CEP83: variants seen among roughly 807,000 people sequenced by gnomAD.
CEP83 encodes the protein centrosomal protein 83.
A neutral mutation model predicts 101.9 loss-of-function variants in CEP83; 70 were observed. That is an observed-to-expected ratio of 0.69 (90% CI 0.57 to 0.84). The LOEUF is 0.84. CEP83 is among the 40% of genes least tolerant of loss of function. The pLI is 0.00. For missense variants in CEP83, 715 were observed against 787.2 expected, an observed-to-expected ratio of 0.91 and a Z score of 1.10; for synonymous variants, 264 against 267.9, an observed-to-expected ratio of 0.99 and a Z score of 0.14.
chr12:94,300,138 C>T, the CEP83 span, among the ~76,000 whole-genome samples: 1 of 152,184 alleles, frequency 6.6e-6, no homozygotes, highest in Non-Finnish European at 1.5e-5. Flanking sequence ...AGTAACAAAA[C>T]AGATGAAAGT....
chr12:94,331,608 G>C, intron 14 of CEP83, 92 bp downstream of exon 14: 10 of 1,068,642 alleles, frequency 9.4e-6, no homozygotes, highest in East Asian at 2.5e-5. Flanking sequence ...TCCTGACCTC[G>C]TGATCCACCT....
chr12:94,278,724 A>C, the CEP83 span, among the ~76,000 whole-genome samples: 1 of 152,158 alleles, frequency 6.6e-6, no homozygotes, highest in East Asian at 1.9e-4. Context: ...TGGGCCGGGC[A>C]CAGTGGCTCA....
At chr12:94,350,623 A>G (rs566565897) in intron 11 of CEP83, among the ~76,000 whole-genome samples, 28 of 152,184 alleles carry the variant, frequency 1.8e-4, no homozygotes, top group Non-Finnish European at 4.0e-4. Context: ...AACAACAAAA[A>G]AAAACAGACA....
In CEP83 at chr12:94,307,711, A is replaced by ATAGTT. The variant is rs1969216455; in HGVS notation, c.*1097_*1101dup. 6.6e-6 allele frequency: 1 copy of ATAGTT among 151,492 alleles called. No homozygotes were observed. Among genetic ancestry groups the ATAGTT allele is most frequent in the Admixed American group, 6.6e-5 (1 of 15,194 alleles). 9.4% of individuals were successfully genotyped at this position (151,492 alleles called of 1,614,324 possible). On this transcript the variant is annotated 3_prime_UTR_variant, in exon 17 of 17. Coordinates refer to ENST00000397809, the MANE Select transcript of CEP83 (RefSeq NM_016122.3). The stretch of plus-strand genomic sequence containing the variant: ...TTTTTTTTTCAATTTTCTAGTTATA[A>ATAGTT]TAGTTTTTTTATTCTAAGTGGCTCC...
the CEP83 span, among the ~76,000 whole-genome samples, chr12:94,278,794 G>C: frequency 1.3e-5 from 2 of 152,104 alleles, no homozygotes; most frequent in African/African-American, 4.8e-5. Context: ...TCAGGACTTT[G>C]AGACCAGCCT....
intron 6 of CEP83, among the ~76,000 whole-genome samples, chr12:94,380,921 G>A (rs2061815290): frequency 6.6e-6 from 1 of 152,166 alleles, no homozygotes; most frequent in African/African-American, 2.4e-5. Context: ...TATGAGACTG[G>A]ATGACAGCTA....
intron 1 of CEP83, among the ~76,000 whole-genome samples, chr12:94,445,272 T>TACATAC (rs148245878): frequency 6.7e-6 from 1 of 150,210 alleles, no homozygotes; most frequent in Non-Finnish European, 1.5e-5. Flanking sequence ...GCCTTTTCCA[T>TACATAC]ACACACACAC....
At chr12:94,297,201 C>G in the CEP83 span, 2 of 1,613,992 alleles carry the variant, frequency 1.2e-6, no homozygotes, top group Non-Finnish European at 1.7e-6. Context: ...GTGGAGTACT[C>G]GGATGACCAC....
chr12:94,391,759 G>A (rs2062554795), intron 6 of CEP83, among the ~76,000 whole-genome samples: 1 of 151,838 alleles, frequency 6.6e-6, no homozygotes, highest in African/African-American at 2.4e-5. Flanking sequence ...ACGCACATAG[G>A]CTCAAAATAA....
intron 14 of CEP83, among the ~76,000 whole-genome samples, chr12:94,317,987 C>T (rs1971002999): frequency 6.6e-6 from 1 of 152,078 alleles, no homozygotes; most frequent in African/African-American, 2.4e-5. Flanking sequence ...ATAGAAATAG[C>T]ACTGAATCAA....
intron 14 of CEP83, among the ~76,000 whole-genome samples, chr12:94,318,442 T>C (rs1426054650): frequency 1.3e-5 from 2 of 152,132 alleles, no homozygotes; most frequent in East Asian, 3.8e-4. Flanking sequence ...CCAGGACTTT[T>C]AATACTATGT....
intron 2 of CEP83, among the ~76,000 whole-genome samples, chr12:94,413,008 A>T (rs2064004125): frequency 6.6e-6 from 1 of 151,792 alleles, no homozygotes; most frequent in African/African-American, 2.4e-5. Flanking sequence ...GCCCGCCACC[A>T]CGCTCGGCTA....
chr12:94,275,551 C>A, the CEP83 span, among the ~76,000 whole-genome samples: 1 of 152,214 alleles, frequency 6.6e-6, no homozygotes, highest in East Asian at 1.9e-4. Flanking sequence ...ACTGTACTTA[C>A]GCCTTAAGAA....
intron 11 of CEP83, among the ~76,000 whole-genome samples, chr12:94,358,168 G>T (rs184166896): frequency 1.3e-5 from 2 of 152,322 alleles, no homozygotes; most frequent in Admixed American, 1.3e-4. Flanking sequence ...TTTGCATTGT[G>T]AGGGGCCCGA....
intron 1 of CEP83, among the ~76,000 whole-genome samples, chr12:94,446,072 T>A (rs1249864710): frequency 6.6e-6 from 1 of 152,280 alleles, no homozygotes; most frequent in Non-Finnish European, 1.5e-5. Flanking sequence ...TTGAACTGCA[T>A]GATAGTAAGA....
the CEP83 span, among the ~76,000 whole-genome samples, chr12:94,270,763 CTT>C: frequency 2.3e-3 from 345 of 147,594 alleles, 2 homozygotes; most frequent in African/African-American, 8.0e-3. Context: ...ATCTCCATTA[CTT>C]TTTTTTTTTT....
intron 6 of CEP83, among the ~76,000 whole-genome samples, chr12:94,381,451 T>A (rs1192190225): frequency 6.6e-6 from 1 of 152,184 alleles, no homozygotes; most frequent in Non-Finnish European, 1.5e-5. Flanking sequence ...TATTACTTTT[T>A]AAAAAGTTAT....
chr12:94,372,862 T>A (rs1226701431), intron 8 of CEP83, among the ~76,000 whole-genome samples: 1 of 152,214 alleles, frequency 6.6e-6, no homozygotes, highest in Non-Finnish European at 1.5e-5. Flanking sequence ...GGATCTAAAG[T>A]TTTTCTTTAT....
intron 7 of CEP83, among the ~76,000 whole-genome samples, chr12:94,377,027 G>A (rs1444666266): frequency 2.0e-5 from 3 of 151,926 alleles, no homozygotes; most frequent in African/African-American, 7.3e-5. Context: ...AGGCATAAGC[G>A]ACCACACCTG....
Sources: gnomAD v4.1 joint callset for allele counts (sites outside exome capture counted in the v4.1 genomes callset) on GRCh38, gnomAD v4.1.1 for gene constraint, MANE v1.5 for transcripts, NCBI Gene and HGNC (gene_info 2026-07-23, HGNC 2026-07-21) for gene names.